ZNF793: variants seen among roughly 807,000 people sequenced by gnomAD.
The protein encoded by ZNF793 is zinc finger protein 793.
A neutral mutation model predicts 12.4 loss-of-function variants in ZNF793; 5 were observed. The ratio of observed to expected loss-of-function variants is 0.40; its 90% CI spans 0.21 to 0.84. ZNF793 has a LOEUF of 0.84. ZNF793 is among the 40% of genes least tolerant of loss of function. The probability of loss-of-function intolerance (pLI) is 0.35; values close to 1 mark genes in which losing one functional copy is unlikely to be tolerated. For missense variants in ZNF793, 456 were observed against 495.0 expected (o/e 0.92, Z 0.75); for synonymous variants, 162 against 172.4 (o/e 0.94, Z 0.47).
At chr19:37,506,865 G>C (rs930451247), upstream of ZNF793, 1 of 152,244 alleles carries the variant, frequency 6.6e-6, no homozygotes, top group Admixed American at 6.5e-5. Flanking sequence ...GAGAAACCCA[G>C]AATCCTGTTC....
In ZNF793 at chr19:37,538,924, CATT is replaced by C. The variant is rs1308419301; in HGVS notation, c.*1046_*1048del. ...AAAACTTTTCCACTTTAAATATCAT[CATT>C]GTCTTTTGATGTCTTAACAATACAA... On this transcript the variant is annotated 3_prime_UTR_variant, in exon 8 of 8. Transcript: ENST00000627814. 1 of 152,168 alleles carries C rather than the reference CATT, an allele frequency of 6.6e-6. No individual in the cohort carries two copies. The highest frequency in any genetic ancestry group is 1.5e-5 in the Non-Finnish European group (1 of 68,024). 9.4% of individuals were successfully genotyped at this position (152,168 alleles called of 1,614,324 possible).
rs752682896 is a variant in ZNF793 at position 37,542,438 on chromosome 19, A to G, written c.*4559A>G. 2.0e-5 allele frequency: 8 copies of G among 408,854 alleles called. No homozygotes were observed. The highest frequency in any genetic ancestry group is 1.4e-4 in the South Asian group (8 of 55,270). 25.3% of individuals were successfully genotyped at this position (408,854 alleles called of 1,614,324 possible). A position where few individuals can be genotyped will look rare whatever the true frequency, so the allele number is the denominator to read the frequency against. On this transcript the variant is annotated 3_prime_UTR_variant, in exon 8 of 8. Coordinates refer to ENST00000627814, the MANE Select transcript of ZNF793 (RefSeq NM_001013659.3). ...ATCTGTTAATATTATTAAAATATTT[A>G]TGTCACTTTGGAGAATCTTCCCTTA...
chr19:37,530,767 A>G (rs1443183904), intron 5 of ZNF793, among the ~76,000 whole-genome samples: 2 of 152,136 alleles, frequency 1.3e-5, no homozygotes, highest in Non-Finnish European at 2.9e-5. Flanking sequence ...TTTTCCCCAC[A>G]ATTTATATTA....
intron 5 of ZNF793, among the ~76,000 whole-genome samples, chr19:37,529,477 C>G (rs1015203633): frequency 1.3e-5 from 2 of 151,692 alleles, no homozygotes; most frequent in African/African-American, 4.8e-5. Flanking sequence ...TTAATTCAGT[C>G]TGATGATCTC....
chr19:37,528,229 A>G (rs2042431637), intron 5 of ZNF793, among the ~76,000 whole-genome samples: 1 of 152,168 alleles, frequency 6.6e-6, no homozygotes, highest in Non-Finnish European at 1.5e-5. Context: ...GTCCTCTCCT[A>G]TGGAAGTCCC....
Position 37,540,893 on chromosome 19 carries a change from AT to A in ZNF793, c.*3015del, listed in dbSNP as rs988559362. The A allele has an allele frequency of 1.0e-3, 157 of 152,230 alleles. No individual in the cohort carries two copies. Among genetic ancestry groups the A allele is most frequent in the African/African-American group, 3.5e-3 (146 of 41,562 alleles). 9.4% of individuals were successfully genotyped at this position (152,230 alleles called of 1,614,324 possible). ...GATTTTTTGACAATCATTGAAAAAAATATATGAAAAAAATCATACCATGTAT... is the reference window on the plus strand; with the variant it reads ...GATTTTTTGACAATCATTGAAAAAAAATATGAAAAAAATCATACCATGTAT... On this transcript the variant is annotated 3_prime_UTR_variant, in exon 8 of 8. Coordinates refer to ENST00000627814, the MANE Select transcript of ZNF793 (RefSeq NM_001013659.3).
At chr19:37,511,056 A>G (rs1243554244) in intron 2 of ZNF793, among the ~76,000 whole-genome samples, 1 of 152,106 alleles carries the variant, frequency 6.6e-6, no homozygotes, top group Non-Finnish European at 1.5e-5. Context: ...GCTTATCTTT[A>G]AGGTGCAGCT....
At chr19:37,524,166 A>G (rs1056905159) in intron 5 of ZNF793, among the ~76,000 whole-genome samples, 1 of 144,810 alleles carries the variant, frequency 6.9e-6, no homozygotes, top group East Asian at 2.0e-4. Context: ...AATAATAATA[A>G]TAATAATAAT....
chr19:37,512,019 G>A (rs993225709), intron 2 of ZNF793, among the ~76,000 whole-genome samples: 5 of 152,164 alleles, frequency 3.3e-5, no homozygotes, highest in Admixed American at 1.3e-4. Context: ...GGGTTATCTC[G>A]GAGGAGTCTG....
chr19:37,528,353 A>G (rs1304099261), intron 5 of ZNF793, among the ~76,000 whole-genome samples: 2 of 152,022 alleles, frequency 1.3e-5, no homozygotes, highest in Non-Finnish European at 1.5e-5. Context: ...TTGATCATGT[A>G]GAAAGGCTTG....
chr19:37,535,520 T>C (rs2042497829), intron 7 of ZNF793: 2 of 151,866 alleles, frequency 1.3e-5, no homozygotes, highest in African/African-American at 4.8e-5. Flanking sequence ...AAAATAGTTA[T>C]CAAAAAAAAA....
Position 37,542,593 on chromosome 19 carries a change from C to A in ZNF793, c.*4714C>A. ...CACTAGAATCAAAGTAAATACCCATCAACTGGGAAATTGTAGAAAGGAAAA... is the reference window on the plus strand; with the variant it reads ...CACTAGAATCAAAGTAAATACCCATAAACTGGGAAATTGTAGAAAGGAAAA... On this transcript the variant is annotated 3_prime_UTR_variant, in exon 8 of 8. Transcript: ENST00000627814. 3.7e-6 allele frequency: 1 copy of A among 269,850 alleles called. No homozygotes were observed. The allele number at this position is 269,850 out of a possible 1,614,324, so 16.7% of individuals were successfully genotyped here. A position where few individuals can be genotyped will look rare whatever the true frequency, so the allele number is the denominator to read the frequency against.
At chr19:37,514,026 A>G (rs1466853235) in intron 2 of ZNF793, among the ~76,000 whole-genome samples, 1 of 152,232 alleles carries the variant, frequency 6.6e-6, no homozygotes, top group Non-Finnish European at 1.5e-5. Context: ...AGTCAATAAT[A>G]TAGATAAACC....
At chr19:37,513,425 G>A (rs1316350973) in intron 2 of ZNF793, among the ~76,000 whole-genome samples, 1 of 152,168 alleles carries the variant, frequency 6.6e-6, no homozygotes, top group African/African-American at 2.4e-5. Context: ...ATACAAAATA[G>A]GAGGTGCACA....
rs561277691 is a variant in ZNF793 at position 37,508,956 on chromosome 19, C to A, written c.-276+553C>A. Among the ~76,000 whole-genome samples, 432 of 151,712 alleles carry A rather than the reference C, an allele frequency of 2.8e-3. 2 individuals are homozygous for A. Among genetic ancestry groups the A allele is most frequent in the African/African-American group, 0.01 (418 of 41,384 alleles). The stretch of plus-strand genomic sequence containing the variant: ...TTATAAAGTCCTGGCAGAAAAAATT[C>A]AAGACAGATAAAGCCACAACCGCCA... On this transcript the variant is annotated intron_variant, in intron 2 of 7. Coordinates refer to ENST00000627814, the MANE Select transcript of ZNF793 (RefSeq NM_001013659.3).
At chr19:37,514,577 GATA>G (rs1392271792) in intron 2 of ZNF793, among the ~76,000 whole-genome samples, 1 of 41,006 alleles carries the variant, frequency 2.4e-5, no homozygotes, top group Non-Finnish European at 3.8e-5. Context: ...TAGATAGACA[GATA>G]GATAGATAGA....
At chr19:37,517,424 C>T (rs932760368) in intron 2 of ZNF793, among the ~76,000 whole-genome samples, 8 of 149,030 alleles carry the variant, frequency 5.4e-5, no homozygotes, top group Non-Finnish European at 1.0e-4. Context: ...CCACCGCACT[C>T]CAGCCTGGGC....
At chr19:37,525,322 T>C (rs1322273479) in intron 5 of ZNF793, among the ~76,000 whole-genome samples, 1 of 150,870 alleles carries the variant, frequency 6.6e-6, no homozygotes, top group Non-Finnish European at 1.5e-5. Flanking sequence ...GTAGTTTTAG[T>C]AGAGACAGGG....
chr19:37,536,763 A>G, intron 7 of ZNF793, 134 bp from the exon 8 acceptor site: 1 of 944,478 alleles, frequency 1.1e-6, no homozygotes, highest in South Asian at 1.9e-5. Flanking sequence ...TACTCATAGA[A>G]CACTCTTCCC....
Sources: gnomAD v4.1 joint callset for allele counts (sites outside exome capture counted in the v4.1 genomes callset) on GRCh38, gnomAD v4.1.1 for gene constraint, MANE v1.5 for transcripts, NCBI Gene and HGNC (gene_info 2026-07-23, HGNC 2026-07-21) for gene names.